DIS3L2: variants seen among roughly 807,000 people sequenced by gnomAD.
DIS3L2 encodes DIS3-like exonuclease 2.
A neutral mutation model predicts 97.5 loss-of-function variants in DIS3L2; 34 were observed. The ratio of observed to expected loss-of-function variants is 0.35; its 90% CI spans 0.27 to 0.46. The LOEUF is 0.46. Among genes scored for constraint, DIS3L2 ranks in the 20% least tolerant of loss-of-function variants. The pLI is 1.00. For missense variants in DIS3L2, 1,038 were observed against 1,146.0 expected (o/e 0.91, Z 1.36); for synonymous variants, 435 against 445.2 (o/e 0.98, Z 0.29).
intron 5 of DIS3L2, among the ~76,000 whole-genome samples, chr2:232,075,650 G>A (rs1167949182): frequency 1.3e-5 from 2 of 152,124 alleles, no homozygotes; most frequent in East Asian, 1.9e-4. Flanking sequence ...TGCACTTCTC[G>A]AGTCATCTGA....
At chr2:232,322,073 A>G (rs946657647) in intron 14 of DIS3L2, among the ~76,000 whole-genome samples, 17 of 152,296 alleles carry the variant, frequency 1.1e-4, no homozygotes, top group Admixed American at 3.3e-4. Flanking sequence ...GGATGATGGT[A>G]GTGACGTAGC....
At chr2:232,112,929 C>T (rs758228452) in intron 6 of DIS3L2, among the ~76,000 whole-genome samples, 25 of 151,932 alleles carry the variant, frequency 1.6e-4, no homozygotes, top group Non-Finnish European at 3.4e-4. Context: ...TGAACAGGGT[C>T]ACAGAGCTGG....
intron 9 of DIS3L2, among the ~76,000 whole-genome samples, chr2:232,207,935 T>C (rs781203841): frequency 6.6e-6 from 1 of 152,170 alleles, no homozygotes; most frequent in Non-Finnish European, 1.5e-5. Flanking sequence ...AATATTCAAT[T>C]GCAGTGAAAA....
chr2:232,147,453 T>G (rs1242353824), intron 8 of DIS3L2, among the ~76,000 whole-genome samples: 1 of 152,232 alleles, frequency 6.6e-6, no homozygotes, highest in Non-Finnish European at 1.5e-5. Context: ...AAAAATCTAA[T>G]GTCCTTTATC....
At chr2:232,252,349 C>T (rs963235278) in intron 12 of DIS3L2, among the ~76,000 whole-genome samples, 3 of 151,948 alleles carry the variant, frequency 2.0e-5, no homozygotes, top group African/African-American at 7.3e-5. Flanking sequence ...GTGGAGGTTG[C>T]GGTGAGCTGA....
chr2:232,181,255 C>A (rs902966798), intron 9 of DIS3L2, among the ~76,000 whole-genome samples: 3 of 151,710 alleles, frequency 2.0e-5, no homozygotes, highest in African/African-American at 7.3e-5. Context: ...TTTTTTCCTT[C>A]ATTTCTACTT....
intron 6 of DIS3L2, among the ~76,000 whole-genome samples, chr2:232,126,832 A>G (rs1240574379): frequency 6.6e-6 from 1 of 152,086 alleles, no homozygotes; most frequent in African/African-American, 2.4e-5. Context: ...TGTGTCCCCA[A>G]CCTGTTAATA....
intron 12 of DIS3L2, chr2:232,260,210 G>T (rs1244074025): frequency 6.6e-6 from 1 of 152,388 alleles, no homozygotes; most frequent in African/African-American, 2.4e-5. Flanking sequence ...CGCACAGGAG[G>T]AGTGACTGGG....
intron 1 of DIS3L2, among the ~76,000 whole-genome samples, chr2:231,965,174 T>A (rs1349599508): frequency 6.6e-6 from 1 of 152,230 alleles, no homozygotes; most frequent in Non-Finnish European, 1.5e-5. Flanking sequence ...GGTGTTAGGT[T>A]TATATGAAAC....
At chr2:232,302,352 G>C (rs1314982402) in intron 14 of DIS3L2, among the ~76,000 whole-genome samples, 2 of 151,464 alleles carry the variant, frequency 1.3e-5, no homozygotes, top group Non-Finnish European at 2.9e-5. Context: ...AAACCTGCAT[G>C]TTGTGCACAT....
chr2:232,176,794 T>TTTA (rs751028804), intron 9 of DIS3L2, among the ~76,000 whole-genome samples: 276 of 149,544 alleles, frequency 1.8e-3, no homozygotes, highest in Admixed American at 4.1e-3. Flanking sequence ...AATTAATTAA[T>TTTA]TTATTATTAT....
intron 8 of DIS3L2, among the ~76,000 whole-genome samples, chr2:232,155,127 G>A (rs1254923465): frequency 6.6e-6 from 1 of 150,852 alleles, no homozygotes; most frequent in South Asian, 2.1e-4. Flanking sequence ...AGATGAACCC[G>A]GTACCTCAGA....
At chr2:232,275,495 A>G (rs1694118373) in intron 13 of DIS3L2, among the ~76,000 whole-genome samples, 1 of 152,160 alleles carries the variant, frequency 6.6e-6, no homozygotes. Flanking sequence ...TGTATTGTCT[A>G]CAAGGTGAAA....
chr2:231,966,641 ATTTTTTTTTTTTTTTTTTTTTT>A (rs36151054), intron 1 of DIS3L2, among the ~76,000 whole-genome samples: 1 of 50,392 alleles, frequency 2.0e-5, no homozygotes, highest in East Asian at 7.0e-4. Flanking sequence ...GTTAAAAAAC[ATTTTTTTTTTTTTTTTTTTTTT>A]TTTTTTTTTT....
chr2:232,039,281 T>G (rs138839668), intron 5 of DIS3L2, among the ~76,000 whole-genome samples: 70 of 152,352 alleles, frequency 4.6e-4, no homozygotes, highest in African/African-American at 1.5e-3. Context: ...CAAGAATCCC[T>G]GACGTCTAGA....
chr2:232,206,809 G>A (rs1242791002), intron 9 of DIS3L2, among the ~76,000 whole-genome samples: 3 of 152,140 alleles, frequency 2.0e-5, no homozygotes, highest in Non-Finnish European at 4.4e-5. Flanking sequence ...GTCCTTACAG[G>A]CTAGTCTAGG....
chr2:232,329,788 C>CCGGGCG, intron 14 of DIS3L2, 25 bp from the exon 15 acceptor site: 4 of 1,080,634 alleles, frequency 3.7e-6, no homozygotes, highest in Non-Finnish European at 5.1e-6. Flanking sequence ...CCAGCGGTCC[C>CCGGGCG]TCCCATCCCA....
intron 13 of DIS3L2, chr2:232,342,994 G>T (rs4414669): frequency 0.092 from 17,749 of 192,096 alleles, 1,130 homozygotes; most frequent in African/African-American, 0.19. Context: ...AGTCAGAGTG[G>T]GGGGGCTGGG....
At chr2:232,161,761 G>A (rs777480178) in intron 8 of DIS3L2, among the ~76,000 whole-genome samples, 4 of 151,384 alleles carry the variant, frequency 2.6e-5, no homozygotes, top group Admixed American at 6.6e-5. Flanking sequence ...GTGAGCCACC[G>A]TGCCTGACCC....
Sources: allele counts gnomAD v4.1 joint callset (sites outside exome capture counted in the v4.1 genomes callset), GRCh38; gene constraint gnomAD v4.1.1; transcripts MANE v1.5; gene names NCBI Gene and HGNC (gene_info 2026-07-23, HGNC 2026-07-21).